Variants in PDE4B observed in about 807,000 individuals in gnomAD.
The protein encoded by PDE4B is 3',5'-cyclic-AMP phosphodiesterase 4B.
In PDE4B, 20 loss-of-function variants were observed where a neutral mutation model predicts 82.2. The observed-to-expected ratio is 0.24, with a 90% CI of 0.17 to 0.35. The LOEUF (loss-of-function observed/expected upper bound fraction) is 0.35, where lower values mean the gene tolerates loss of function less well. PDE4B is among the 10% of genes least tolerant of loss of function. The pLI is 1.00. For synonymous variants in PDE4B, 320 were observed against 318.9 expected (o/e 1.00, Z -0.04); for missense variants, 655 against 907.2 (o/e 0.72, Z 3.57).
chr1:66,154,033 CT>C (rs1350459083), intron 3 of PDE4B, among the ~76,000 whole-genome samples: 1 of 152,168 alleles, frequency 6.6e-6, no homozygotes, highest in African/African-American at 2.4e-5. Flanking sequence ...TTTTAAAATT[CT>C]TTTCCCTTCT....
intron 7 of PDE4B, among the ~76,000 whole-genome samples, chr1:66,283,396 T>C (rs1388971549): frequency 1.3e-5 from 2 of 151,926 alleles, no homozygotes; most frequent in African/African-American, 4.8e-5. Context: ...TGTATATATG[T>C]ATGTCAGTCC....
intron 1 of PDE4B, among the ~76,000 whole-genome samples, chr1:65,838,781 TAAGA>T (rs1182490852): frequency 6.6e-6 from 1 of 151,908 alleles, no homozygotes; most frequent in African/African-American, 2.4e-5. Flanking sequence ...TTTCCTTTAA[TAAGA>T]AAGGCAGGAA....
At chr1:65,845,235 T>C (rs904289019) in intron 1 of PDE4B, among the ~76,000 whole-genome samples, 1 of 152,176 alleles carries the variant, frequency 6.6e-6, no homozygotes, top group African/African-American at 2.4e-5. Context: ...TCCACAGTTA[T>C]AAATAATTGT....
At chr1:66,054,735 A>T (rs537797523) in intron 3 of PDE4B, among the ~76,000 whole-genome samples, 1 of 152,198 alleles carries the variant, frequency 6.6e-6, no homozygotes, top group East Asian at 1.9e-4. Flanking sequence ...CTTCAACTTC[A>T]CTTTCCCTGA....
intron 1 of PDE4B, among the ~76,000 whole-genome samples, chr1:65,850,171 A>T (rs1479324278): frequency 6.8e-6 from 1 of 146,156 alleles, no homozygotes; most frequent in Non-Finnish European, 1.5e-5. Context: ...CTGGAGTGCA[A>T]CTGCAACCTC....
At chr1:65,943,306 A>G (rs1054885650) in intron 3 of PDE4B, among the ~76,000 whole-genome samples, 2 of 151,822 alleles carry the variant, frequency 1.3e-5, no homozygotes, top group African/African-American at 4.8e-5. Flanking sequence ...TCAAAAATCA[A>G]TTGACCATTA....
At chr1:65,917,984 C>T (rs946301156) in intron 2 of PDE4B, among the ~76,000 whole-genome samples, 10 of 152,008 alleles carry the variant, frequency 6.6e-5, no homozygotes, top group South Asian at 2.1e-4. Flanking sequence ...GCCAACATGG[C>T]GAAACCCCGT....
intron 9 of PDE4B, among the ~76,000 whole-genome samples, chr1:66,359,039 G>A (rs1431534869): frequency 6.6e-6 from 1 of 152,182 alleles, no homozygotes; most frequent in Non-Finnish European, 1.5e-5. Flanking sequence ...CTAATTTCAA[G>A]GGAAACAAAG....
chr1:66,203,738 TATCC>T (rs201390035), intron 3 of PDE4B, among the ~76,000 whole-genome samples: 19,256 of 152,096 alleles, frequency 0.13, 1,392 homozygotes, highest in Non-Finnish European at 0.17. Flanking sequence ...TTATTCTAGT[TATCC>T]ATTCATCTAA....
At chr1:66,250,918 A>G (rs1653721947) in intron 4 of PDE4B, among the ~76,000 whole-genome samples, 1 of 152,220 alleles carries the variant, frequency 6.6e-6, no homozygotes, top group African/African-American at 2.4e-5. Flanking sequence ...GCCACCATTT[A>G]CGTGTGGACT....
intron 3 of PDE4B, among the ~76,000 whole-genome samples, chr1:66,134,082 G>A (rs1308646377): frequency 6.6e-6 from 1 of 151,816 alleles, no homozygotes; most frequent in African/African-American, 2.4e-5. Flanking sequence ...CCCTTAAAGA[G>A]TGGAATCTTT....
intron 3 of PDE4B, among the ~76,000 whole-genome samples, chr1:65,926,346 T>A (rs1647498096): frequency 6.6e-6 from 1 of 152,218 alleles, no homozygotes; most frequent in South Asian, 2.1e-4. Context: ...TACAGAAAAC[T>A]TTCATAGCTA....
chr1:66,108,212 C>T (rs564551630), intron 3 of PDE4B, among the ~76,000 whole-genome samples: 2 of 152,052 alleles, frequency 1.3e-5, no homozygotes, highest in Non-Finnish European at 2.9e-5. Context: ...AGGGTCTTCC[C>T]AATCCCTGTC....
intron 4 of PDE4B, among the ~76,000 whole-genome samples, chr1:66,249,926 G>A (rs1190107607): frequency 6.6e-6 from 1 of 151,958 alleles, no homozygotes; most frequent in Admixed American, 6.6e-5. Context: ...AATGAAAATA[G>A]CACAAGATTT....
intron 1 of PDE4B, among the ~76,000 whole-genome samples, chr1:65,820,315 C>CA (rs1645938317): frequency 6.6e-6 from 1 of 152,176 alleles, no homozygotes; most frequent in Non-Finnish European, 1.5e-5. Flanking sequence ...CATTGAATGA[C>CA]AAATCAATCT....
At chr1:65,909,190 A>G (rs1647059946) in intron 1 of PDE4B, among the ~76,000 whole-genome samples, 1 of 152,194 alleles carries the variant, frequency 6.6e-6, no homozygotes, top group Non-Finnish European at 1.5e-5. Flanking sequence ...TAAATCAGTT[A>G]CATAAGAAAT....
At chr1:66,284,981 G>A (rs1364814886) in intron 7 of PDE4B, among the ~76,000 whole-genome samples, 1 of 152,152 alleles carries the variant, frequency 6.6e-6, no homozygotes, top group African/African-American at 2.4e-5. Context: ...AAACATAACA[G>A]AGATTGATGA....
intron 3 of PDE4B, among the ~76,000 whole-genome samples, chr1:65,998,201 G>A (rs777281719): frequency 6.6e-6 from 1 of 152,154 alleles, no homozygotes; most frequent in Non-Finnish European, 1.5e-5. Context: ...AGGTCAGACA[G>A]GACAAGTAAT....
chr1:65,970,997 G>C (rs1445356163), intron 3 of PDE4B, among the ~76,000 whole-genome samples: 2 of 150,874 alleles, frequency 1.3e-5, no homozygotes, highest in African/African-American at 4.9e-5. Context: ...AGGCTAAAGA[G>C]CTTCTGGAGA....
Sources: allele counts gnomAD v4.1 joint callset (sites outside exome capture counted in the v4.1 genomes callset), GRCh38; gene constraint gnomAD v4.1.1; transcripts MANE v1.5; gene names NCBI Gene and HGNC (gene_info 2026-07-23, HGNC 2026-07-21).